TTLL5: variants seen among roughly 807,000 people sequenced by gnomAD.
TTLL5 encodes tubulin polyglutamylase TTLL5.
A neutral mutation model predicts 168.4 loss-of-function variants in TTLL5; 132 were observed. That is an observed-to-expected ratio of 0.78 (90% CI 0.68 to 0.91). The LOEUF is 0.91. Ranked by LOEUF, TTLL5 falls within the 40% of genes least tolerant of loss-of-function variation. The pLI is 0.00. For missense variants in TTLL5, 1,545 were observed against 1,581.5 expected, an observed-to-expected ratio of 0.98 and a Z score of 0.39; for synonymous variants, 546 against 558.6, an observed-to-expected ratio of 0.98 and a Z score of 0.32.
At chr14:75,816,702 G>C (rs575549365) in intron 27 of TTLL5, among the ~76,000 whole-genome samples, 88 of 152,272 alleles carry the variant, frequency 5.8e-4, no homozygotes, top group Non-Finnish European at 1.1e-3. Context: ...TGGAGAAGCT[G>C]TTAGTTATCA....
chr14:75,773,058 A>G (rs934263683), intron 21 of TTLL5, among the ~76,000 whole-genome samples: 1 of 152,164 alleles, frequency 6.6e-6, no homozygotes, highest in African/African-American at 2.4e-5. Flanking sequence ...CTCAGTGGTG[A>G]CCTTATTGTA....
chr14:75,940,077 C>CTTTT (rs5809741), intron 31 of TTLL5, among the ~76,000 whole-genome samples: 5 of 78,814 alleles, frequency 6.3e-5, no homozygotes, highest in African/African-American at 1.5e-4. Flanking sequence ...GAAATTAAAT[C>CTTTT]TTTTTTTTTT....
chr14:75,674,043 A>G (rs1234827075), intron 3 of TTLL5, among the ~76,000 whole-genome samples: 1 of 152,128 alleles, frequency 6.6e-6, no homozygotes, highest in African/African-American at 2.4e-5. Flanking sequence ...CAATAGGCGG[A>G]CCCTTCTTTT....
rs1369204682 is a variant in TTLL5 at position 75,759,235 on chromosome 14, TA to T, written c.1551-5379del. On this transcript the variant is annotated intron_variant, in intron 18 of 31. Coordinates refer to ENST00000298832, the MANE Select transcript of TTLL5 (RefSeq NM_015072.5). ...GTGCGGAAAAAGGATATTAAGGCAA[TA>T]TTATTAGCAACTTTATTCCATTACT... is the stretch of plus-strand genomic sequence containing the variant. Among the ~76,000 whole-genome samples, 13 of 152,230 alleles carry T rather than the reference TA, an allele frequency of 8.5e-5. No individual in the cohort carries two copies. The East Asian group carries it at 2.5e-3, about 29-fold the overall frequency.
chr14:75,950,111 C>G (rs1453268534), intron 31 of TTLL5, among the ~76,000 whole-genome samples: 1 of 152,038 alleles, frequency 6.6e-6, no homozygotes, highest in Admixed American at 6.6e-5. Context: ...ATAGAGAAAC[C>G]TAAAACTGGT....
At chr14:75,710,214 G>T (rs1312353679) in intron 9 of TTLL5, 2 of 152,074 alleles carry the variant, frequency 1.3e-5, no homozygotes, top group African/African-American at 2.4e-5. Flanking sequence ...CTCTCTATGG[G>T]TAAAATTTGG....
chr14:75,932,665 A>C (rs1188728628), intron 31 of TTLL5, among the ~76,000 whole-genome samples: 2 of 152,294 alleles, frequency 1.3e-5, no homozygotes, highest in Admixed American at 1.3e-4. Context: ...CATTCCTGGC[A>C]CTTAGTAGCT....
chr14:75,787,875 G>A (rs995605451), intron 26 of TTLL5, among the ~76,000 whole-genome samples: 16 of 152,276 alleles, frequency 1.1e-4, no homozygotes, highest in African/African-American at 3.8e-4. Flanking sequence ...CAAAATTTAA[G>A]AGTCAAAGAA....
chr14:75,940,141 G>A (rs1223829011), intron 31 of TTLL5, among the ~76,000 whole-genome samples: 4 of 145,166 alleles, frequency 2.8e-5, no homozygotes, highest in African/African-American at 5.2e-5. Context: ...GTGCAGTGGC[G>A]CGATCTCAGC....
intron 20 of TTLL5, among the ~76,000 whole-genome samples, chr14:75,767,552 G>A (rs536014657): frequency 2.6e-5 from 4 of 152,302 alleles, no homozygotes; most frequent in South Asian, 2.1e-4. Context: ...CCCAGACATC[G>A]TAATGAGCTT....
At chr14:75,803,959 T>C (rs1446682867) in intron 27 of TTLL5, among the ~76,000 whole-genome samples, 1 of 152,112 alleles carries the variant, frequency 6.6e-6, no homozygotes, top group Non-Finnish European at 1.5e-5. Context: ...CAGCTATCAT[T>C]AGGAGCAACT....
At chr14:75,911,342 A>G (rs1328641321) in intron 31 of TTLL5, among the ~76,000 whole-genome samples, 1 of 152,004 alleles carries the variant, frequency 6.6e-6, no homozygotes, top group Non-Finnish European at 1.5e-5. Context: ...CTGGTTATGC[A>G]GTTAGTTGAT....
chr14:75,720,499 G>A lies in TTLL5; in HGVS notation c.935-97G>A, dbSNP rs943073332. ...GCCATATAGAGGCTTTTTTGAATGAGCACACATGCTTTTATAGTTATATTG... is the reference window on the plus strand; with the variant it reads ...GCCATATAGAGGCTTTTTTGAATGAACACACATGCTTTTATAGTTATATTG... On this transcript the variant is annotated intron_variant, in intron 11 of 31. Coordinates refer to ENST00000298832, the MANE Select transcript of TTLL5 (RefSeq NM_015072.5). 359 of 919,640 alleles carry A rather than the reference G, an allele frequency of 3.9e-4. 3 individuals carry two copies. Among genetic ancestry groups the A allele is most frequent in the Middle Eastern group, 2.2e-4 (1 of 4,446 alleles). The allele number at this position is 919,640 out of a possible 1,614,324, so 57.0% of individuals were successfully genotyped here.
intron 31 of TTLL5, among the ~76,000 whole-genome samples, chr14:75,949,214 T>G (rs1407918107): frequency 6.6e-6 from 1 of 151,946 alleles, no homozygotes; most frequent in Non-Finnish European, 1.5e-5. Context: ...GTAGAACATG[T>G]GATTACTGAA....
At chr14:75,777,818 A>C (rs985015913) in intron 23 of TTLL5, among the ~76,000 whole-genome samples, 1 of 152,162 alleles carries the variant, frequency 6.6e-6, no homozygotes, top group Non-Finnish European at 1.5e-5. Context: ...TTCAGACCTC[A>C]CTATCATGCG....
chr14:75,837,730 A>C (rs181532420), intron 28 of TTLL5, among the ~76,000 whole-genome samples: 1 of 152,196 alleles, frequency 6.6e-6, no homozygotes, highest in Non-Finnish European at 1.5e-5. Context: ...TTCACTTAGC[A>C]TAATATCCTC....
intron 16 of TTLL5, 123 bp downstream of exon 16, chr14:75,745,331 G>T: frequency 8.2e-7 from 1 of 1,216,832 alleles, no homozygotes; most frequent in Non-Finnish European, 1.2e-6. Context: ...ATTCAAGATT[G>T]GAGAAATGTT....
chr14:75,786,836 A>G (rs1315146228), intron 26 of TTLL5, among the ~76,000 whole-genome samples: 3 of 152,214 alleles, frequency 2.0e-5, no homozygotes, highest in Non-Finnish European at 4.4e-5. Context: ...ATAGAAATTT[A>G]AAACATAGTA....
intron 30 of TTLL5, among the ~76,000 whole-genome samples, chr14:75,900,212 G>A (rs1326502824): frequency 6.6e-6 from 1 of 152,132 alleles, no homozygotes; most frequent in Non-Finnish European, 1.5e-5. Context: ...CCAAGGCCGA[G>A]GCTGATGGGA....
Sources: allele counts gnomAD v4.1 joint callset (sites outside exome capture counted in the v4.1 genomes callset), GRCh38; gene constraint gnomAD v4.1.1; transcripts MANE v1.5; gene names NCBI Gene and HGNC (gene_info 2026-07-23, HGNC 2026-07-21).